The following C9orf72 variants were observed in gnomAD, a reference collection of about 807,000 sequenced individuals.
C9orf72 encodes guanine nucleotide exchange factor C9orf72.
Under a neutral mutation model 51.6 loss-of-function variants are expected in C9orf72, and 44 were observed. The ratio of observed to expected loss-of-function variants is 0.85; its 90% confidence interval spans 0.67 to 1.10. C9orf72 has a LOEUF of 1.10. Among genes scored for constraint, C9orf72 ranks in the 50% least tolerant of loss-of-function variants. C9orf72 has a pLI of 0.00. For missense variants in C9orf72, 607 were observed against 570.6 expected, an observed-to-expected ratio of 1.06 and a Z score of -0.65; for synonymous variants, 213 against 194.2, an observed-to-expected ratio of 1.10 and a Z score of -0.81.
chr9:27,550,700 A>G lies in C9orf72; in HGVS notation c.1099T>C (p.Phe367Leu). The G allele has an allele frequency of 1.9e-6, 3 of 1,577,676 alleles. No individual in the cohort carries two copies. Among genetic ancestry groups the G allele is most frequent in the Middle Eastern group, 1.7e-4 (1 of 5,832 alleles). ...GTGTCTCTGTGTAAGACATCTTGAA[A>G]AATATTCCTGAAGAAAAGAAGAAAA... Reference protein sequence around the residue: ...DESFTPDLNIFQDVLHRDTLV... With the variant: ...DESFTPDLNILQDVLHRDTLV... Residue 367 changes from phenylalanine (F) to leucine (L), a missense_variant, in exon 9 of 11, where the codon TTT becomes CTT. Transcript: ENST00000380003.
At chr9:27,549,271 A>AT (rs1820854989) in intron 9 of C9orf72, among the ~76,000 whole-genome samples, 1 of 152,150 alleles carries the variant, frequency 6.6e-6, no homozygotes, top group African/African-American at 2.4e-5. Context: ...GTATTACTTA[A>AT]TTTTTTCTGC....
chr9:27,572,978 T>C (rs1819621132), intron 1 of C9orf72, among the ~76,000 whole-genome samples: 1 of 152,128 alleles, frequency 6.6e-6, no homozygotes, highest in African/African-American at 2.4e-5. Context: ...CCGCATGATC[T>C]CCTCGCCGGC....
At chr9:27,560,390 A>G in intron 5 of C9orf72, 91 bp from the exon 6 acceptor site, 1 of 909,298 alleles carries the variant, frequency 1.1e-6, no homozygotes, top group Non-Finnish European at 1.7e-6. Flanking sequence ...TCTTCAAATA[A>G]CTCAGAATAG....
chr9:27,556,714 T>C lies in C9orf72; in HGVS notation c.938A>G (p.Asn313Ser), dbSNP rs139502204. ...ACAGGGTGGCATCTGCTTCACAGTA[T>C]TGACATCCACATCTATGTGTGTGGT... ...YPTTHIDVDV[N>S]TVKQMPPCHE... Residue 313 changes from asparagine (N) to serine (S), a missense_variant, in exon 8 of 11, where the codon AAT (asparagine) becomes AGT (serine). Asn to Ser is a conservative substitution (Grantham distance 46, BLOSUM62 1). Coordinates refer to ENST00000380003, the MANE Select transcript of C9orf72 (RefSeq NM_018325.5). 30 of 1,613,878 alleles carry C rather than the reference T, an allele frequency of 1.9e-5. No homozygotes were observed. The highest frequency in any genetic ancestry group is 1.6e-4 in the Middle Eastern group (1 of 6,082).
chr9:27,556,686 A>G lies in C9orf72; in HGVS notation c.966T>C (p.His322=). ...VNTVKQMPPC[H]EHIYNQRRYM... The stretch of plus-strand genomic sequence containing the variant: ...ATCTACGCTGATTATAAATATGTTC[A>G]TGACAGGGTGGCATCTGCTTCACAG... The change falls in exon 8 of 11, where the codon CAT becomes CAC. Residue 322 remains histidine, a synonymous_variant. Coordinates refer to ENST00000380003, the MANE Select transcript of C9orf72 (RefSeq NM_018325.5). 6.2e-7 allele frequency: 1 copy of G among 1,613,954 alleles called. No homozygotes were observed. The highest frequency in any genetic ancestry group is 8.5e-7 in the Non-Finnish European group (1 of 1,179,886).
chr9:27,572,664 T>A (rs376627217), intron 1 of C9orf72, among the ~76,000 whole-genome samples: 2 of 152,244 alleles, frequency 1.3e-5, no homozygotes. Context: ...AGGACCTCCC[T>A]CCTGTTTCTG....
At chr9:27,564,655 T>C (rs73440947) in intron 3 of C9orf72, among the ~76,000 whole-genome samples, 8,769 of 152,200 alleles carry the variant, frequency 0.058, 819 homozygotes, top group African/African-American at 0.2. Flanking sequence ...TTGGGTTCTG[T>C]ATTATGGCCA....
chr9:27,548,434 G>GTAAA lies in C9orf72; in HGVS notation c.1260-13_1260-12insTTTA. On this transcript the variant is annotated splice_polypyrimidine_tract_variant and intron_variant, in intron 10 of 10. Transcript: ENST00000380003. ...TTTTTCCCTTCTGCCTAAAAATAAT[G>GTAAA]GAAAAAAAAAAAAAAAAAAAAAAAA... The GTAAA allele has an allele frequency of 7.4e-5, 6 of 80,720 alleles. No homozygotes were observed. The highest frequency in any genetic ancestry group is 9.5e-5 in the Non-Finnish European group (5 of 52,374). The allele number at this position is 80,720 out of a possible 1,614,324, so 5.0% of individuals were successfully genotyped here.
rs752121988 is a variant in C9orf72 at position 27,561,615 on chromosome 9, C to G, written c.635G>C (p.Gly212Ala). 1.9e-6 allele frequency: 3 copies of G among 1,611,256 alleles called. No homozygotes were observed. The highest frequency in any genetic ancestry group is 2.5e-6 in the Non-Finnish European group (3 of 1,178,410). The change falls in exon 5 of 11, where the codon GGT becomes GCT. Residue 212 changes from glycine (G) to alanine (A), a missense_variant. Physicochemically the swap from Gly to Ala is moderately conservative, Grantham distance 60. Coordinates refer to ENST00000380003, the MANE Select transcript of C9orf72 (RefSeq NM_018325.5). ...ADTVLNDDDI[G>A]DSCHEGFLLN... is the part of the protein sequence containing the mutation. The stretch of plus-strand genomic sequence containing the variant: ...AAGAAAGCCTTCATGACAGCTGTCA[C>G]CAATATCATCATCATTGAGTACTGT...
At chr9:27,561,794 T>C in intron 4 of C9orf72, 145 bp from the exon 5 acceptor site, 1 of 567,510 alleles carries the variant, frequency 1.8e-6, no homozygotes, top group South Asian at 2.3e-5. Context: ...CAAAAAACAA[T>C]CTCTGTGCAC....
intron 1 of C9orf72, among the ~76,000 whole-genome samples, chr9:27,567,740 A>G (rs548610597): frequency 6.6e-6 from 1 of 152,312 alleles, no homozygotes; most frequent in East Asian, 1.9e-4. Flanking sequence ...GCCTAATCCA[A>G]TAACTGCTGT....
intron 1 of C9orf72, among the ~76,000 whole-genome samples, chr9:27,571,463 C>T (rs1383154216): frequency 6.6e-6 from 1 of 152,010 alleles, no homozygotes; most frequent in South Asian, 2.1e-4. Context: ...GCCCTCACTT[C>T]TTGTTTTTTA....
rs1332215812 is a variant in C9orf72 at position 27,547,546 on chromosome 9, T to G, written c.*690A>C. The G allele has an allele frequency of 6.6e-6, 1 of 152,624 alleles. No individual in the cohort carries two copies. The highest frequency in any genetic ancestry group is 6.5e-5 in the Admixed American group (1 of 15,270). 9.5% of individuals were successfully genotyped at this position (152,624 alleles called of 1,614,324 possible). On this transcript the variant is annotated 3_prime_UTR_variant, in exon 11 of 11. Coordinates refer to ENST00000380003, the MANE Select transcript of C9orf72 (RefSeq NM_018325.5). ...ACAATTTCCTTTTACAGAGCTCAAC[T>G]ACATAGAATATCAACAATAGCAAGA...
At chr9:27,556,104 T>A (rs1382714748) in intron 8 of C9orf72, among the ~76,000 whole-genome samples, 2 of 151,650 alleles carry the variant, frequency 1.3e-5, no homozygotes, top group East Asian at 1.9e-4. Context: ...AGTAAAAAAA[T>A]GTTCCATTAA....
At chr9:27,561,050 C>G (rs780646871) in intron 5 of C9orf72, 2 of 180,474 alleles carry the variant, frequency 1.1e-5, no homozygotes, top group Non-Finnish European at 2.1e-5. Context: ...TATAACAACC[C>G]TACACATTAG....
intron 9 of C9orf72, among the ~76,000 whole-genome samples, chr9:27,550,019 A>C (rs544368221): frequency 6.6e-6 from 1 of 150,982 alleles, no homozygotes; most frequent in South Asian, 2.1e-4. Flanking sequence ...TATATAAAAA[A>C]TATATTACAC....
chr9:27,551,545 C>CA (rs1820909229), intron 8 of C9orf72, among the ~76,000 whole-genome samples: 1 of 151,544 alleles, frequency 6.6e-6, no homozygotes, highest in East Asian at 1.9e-4. Context: ...ACCAGAGTGG[C>CA]AAAAAAAGAG....
At chr9:27,573,061 T>C (rs1256175057) in intron 1 of C9orf72, among the ~76,000 whole-genome samples, 1 of 152,036 alleles carries the variant, frequency 6.6e-6, no homozygotes, top group Non-Finnish European at 1.5e-5. Flanking sequence ...CCTCCGGCCT[T>C]CCCCCAGGCG....
At position 27,547,557 on chromosome 9, in the gene C9orf72, T is replaced by C. The variant is rs189808047; in HGVS notation, c.*679A>G. ...TTACAGAGCTCAACTACATAGAATATCAACAATAGCAAGAACAATAAAATA... is the reference window on the plus strand; with the variant it reads ...TTACAGAGCTCAACTACATAGAATACCAACAATAGCAAGAACAATAAAATA... On this transcript the variant is annotated 3_prime_UTR_variant, in exon 11 of 11. Coordinates refer to ENST00000380003, the MANE Select transcript of C9orf72 (RefSeq NM_018325.5). 3 of 152,692 alleles carry C rather than the reference T, an allele frequency of 2.0e-5. No individual in the cohort carries two copies. The highest frequency in any genetic ancestry group is 6.5e-5 in the Admixed American group (1 of 15,286). The allele number at this position is 152,692 out of a possible 1,614,324, so 9.5% of individuals were successfully genotyped here.
Sources: gnomAD v4.1 joint callset for allele counts (sites outside exome capture counted in the v4.1 genomes callset) on GRCh38, gnomAD v4.1.1 for gene constraint, MANE v1.5 for transcripts, NCBI Gene and HGNC (gene_info 2026-07-23, HGNC 2026-07-21) for gene names.